Variants in ADAMTSL1 observed in about 807,000 individuals in gnomAD.
ADAMTSL1 encodes ADAMTS-like protein 1.
A neutral mutation model predicts 201.8 loss-of-function variants in ADAMTSL1; 126 were observed. The ratio of observed to expected loss-of-function variants is 0.62; its 90% confidence interval spans 0.54 to 0.72. The LOEUF (loss-of-function observed/expected upper bound fraction) is 0.72. ADAMTSL1 is among the 30% of genes least tolerant of loss of function. The pLI, the probability that ADAMTSL1 is intolerant of heterozygous loss-of-function variation, is 0.00. For synonymous variants in ADAMTSL1, 1,121 were observed against 903.4 expected (o/e 1.24, Z -4.32); for missense variants, 2,679 against 2,277.8 (o/e 1.18, Z -3.59).
chr9:18,817,294 G>A (rs952881480), intron 21 of ADAMTSL1, 57 bp downstream of exon 21: 12 of 1,508,360 alleles, frequency 8.0e-6, no homozygotes, highest in African/African-American at 1.4e-5. Context: ...CTAGGTTGGG[G>A]ATACAAAGAC....
chr9:18,651,151 A>G (rs534745134), intron 7 of ADAMTSL1: 3 of 152,226 alleles, frequency 2.0e-5, no homozygotes, highest in African/African-American at 4.8e-5. Flanking sequence ...ATAAATGGCT[A>G]TGAGAGCAGA....
At chr9:18,070,759 T>C (rs1822928766) in intron 1 of ADAMTSL1, among the ~76,000 whole-genome samples, 1 of 152,072 alleles carries the variant, frequency 6.6e-6, no homozygotes, top group South Asian at 2.1e-4. Context: ...CGGGGCTAGA[T>C]AGACAGAAGA....
At chr9:18,644,946 C>A (rs1266823041) in intron 7 of ADAMTSL1, among the ~76,000 whole-genome samples, 1 of 151,756 alleles carries the variant, frequency 6.6e-6, no homozygotes, top group East Asian at 1.9e-4. Flanking sequence ...AGTTCTAGAT[C>A]CCTGAGGAAT....
intron 23 of ADAMTSL1, among the ~76,000 whole-genome samples, chr9:18,847,114 C>G (rs1300498033): frequency 6.6e-6 from 1 of 152,150 alleles, no homozygotes; most frequent in Non-Finnish European, 1.5e-5. Flanking sequence ...GTGCCTTTCT[C>G]CCAGTTTTTG....
chr9:18,798,914 C>T (rs1249569898), intron 20 of ADAMTSL1, among the ~76,000 whole-genome samples: 1 of 152,210 alleles, frequency 6.6e-6, no homozygotes, highest in Non-Finnish European at 1.5e-5. Context: ...TTGCTCTGCC[C>T]TGTTTGGCCT....
intron 15 of ADAMTSL1, among the ~76,000 whole-genome samples, chr9:18,726,203 C>T (rs1817882154): frequency 6.6e-6 from 1 of 152,096 alleles, no homozygotes; most frequent in African/African-American, 2.4e-5. Flanking sequence ...TAACTAAAGT[C>T]TTAATACTTA....
chr9:18,559,293 G>A (rs1013198048), intron 3 of ADAMTSL1, among the ~76,000 whole-genome samples: 7 of 152,040 alleles, frequency 4.6e-5, no homozygotes, highest in African/African-American at 1.2e-4. Flanking sequence ...TTTTTGTCAG[G>A]TTTGTCAAAG....
At chr9:18,837,881 G>T (rs1825417366) in intron 23 of ADAMTSL1, among the ~76,000 whole-genome samples, 1 of 152,080 alleles carries the variant, frequency 6.6e-6, no homozygotes, top group Admixed American at 6.5e-5. Context: ...GGACACCAAG[G>T]TCTTATGGGA....
At chr9:18,769,813 C>T (rs752617385) in intron 16 of ADAMTSL1, among the ~76,000 whole-genome samples, 12 of 152,170 alleles carry the variant, frequency 7.9e-5, no homozygotes, top group South Asian at 2.1e-4. Flanking sequence ...GTCTTTATGC[C>T]GAAATGTGGT....
At chr9:18,186,049 A>G (rs1195367760) in intron 2 of ADAMTSL1, among the ~76,000 whole-genome samples, 1 of 152,216 alleles carries the variant, frequency 6.6e-6, no homozygotes, top group African/African-American at 2.4e-5. Flanking sequence ...GTAAGTAAAT[A>G]TTTTAAGTTA....
chr9:18,740,601 C>G (rs1315755706), intron 15 of ADAMTSL1, among the ~76,000 whole-genome samples: 1 of 151,810 alleles, frequency 6.6e-6, no homozygotes, highest in African/African-American at 2.4e-5. Context: ...CTCGCCCTCC[C>G]AGGTAGCTGG....
intron 20 of ADAMTSL1, among the ~76,000 whole-genome samples, chr9:18,815,054 A>T (rs909610280): frequency 2.0e-5 from 3 of 152,320 alleles, no homozygotes; most frequent in African/African-American, 7.2e-5. Context: ...AAGACAAAAA[A>T]TAGCAAATAC....
chr9:17,994,634 T>C (rs978913645), intron 1 of ADAMTSL1, among the ~76,000 whole-genome samples: 1 of 152,202 alleles, frequency 6.6e-6, no homozygotes, highest in Non-Finnish European at 1.5e-5. Flanking sequence ...AACTACCTTG[T>C]ATTTAAGATA....
At chr9:18,037,097 G>A (rs1360680278) in intron 1 of ADAMTSL1, among the ~76,000 whole-genome samples, 2 of 152,082 alleles carry the variant, frequency 1.3e-5, no homozygotes, top group East Asian at 1.9e-4. Flanking sequence ...ACATCTCTTG[G>A]AAGTATTTGC....
At position 18,323,624 on chromosome 9, in the gene ADAMTSL1, A is replaced by C. The variant is rs751000173; in HGVS notation, c.207+159643A>C. Among the ~76,000 whole-genome samples the C allele has an allele frequency of 3.3e-5, 5 of 152,166 alleles. No individual in the cohort carries two copies. The East Asian group carries it at 5.8e-4, about 18-fold the overall frequency. ...TTATTGTCCTAAATCATCCACAAAAACATTTACAAGTAGCAAGATCATAGG... is the reference window on the plus strand; with the variant it reads ...TTATTGTCCTAAATCATCCACAAAACCATTTACAAGTAGCAAGATCATAGG... On this transcript the variant is annotated intron_variant, in intron 2 of 29. Coordinates refer to the ADAMTSL1 transcript ENST00000680146.
At chr9:18,067,008 G>A (rs891668377) in intron 1 of ADAMTSL1, among the ~76,000 whole-genome samples, 1 of 151,902 alleles carries the variant, frequency 6.6e-6, no homozygotes, top group African/African-American at 2.4e-5. Flanking sequence ...GAGAGAGGAG[G>A]GATAGCATTA....
chr9:17,908,089 C>T lies in ADAMTSL1; in HGVS notation c.87+1167C>T, dbSNP rs982021192. 2.0e-5 allele frequency among the ~76,000 whole-genome samples: 3 copies of T among 152,192 alleles called. No homozygotes were observed. The East Asian group carries it at 5.8e-4, about 29-fold the overall frequency. On this transcript the variant is annotated intron_variant, in intron 1 of 29. Coordinates refer to the ADAMTSL1 transcript ENST00000680146. ...TGCACTTCTAGAGGCTGAGAGAGGA[C>T]CGAGAATGTTGTCTCAGAAGGGCCC...
chr9:18,700,771 T>C (rs1831877684), intron 13 of ADAMTSL1, among the ~76,000 whole-genome samples: 1 of 152,204 alleles, frequency 6.6e-6, no homozygotes, highest in African/African-American at 2.4e-5. Context: ...ATTTTCTTTT[T>C]CCAATATACT....
At chr9:18,446,685 T>G (rs1359190377) in intron 2 of ADAMTSL1, among the ~76,000 whole-genome samples, 1 of 152,234 alleles carries the variant, frequency 6.6e-6, no homozygotes, top group Non-Finnish European at 1.5e-5. Context: ...GCCTTTGACG[T>G]AGATCTTCAT....
Sources: allele counts gnomAD v4.1 joint callset (sites outside exome capture counted in the v4.1 genomes callset), GRCh38; gene constraint gnomAD v4.1.1; transcripts MANE v1.5; gene names NCBI Gene and HGNC (gene_info 2026-07-23, HGNC 2026-07-21).